KHDRBS2: variants seen among roughly 807,000 people sequenced by gnomAD.
KHDRBS2 encodes KH domain-containing, RNA-binding, signal transduction-associated protein 2.
A neutral mutation model predicts 44.3 loss-of-function variants in KHDRBS2; 26 were observed. The ratio of observed to expected loss-of-function variants is 0.59; its 90% CI spans 0.43 to 0.81. KHDRBS2 has a LOEUF of 0.81. KHDRBS2 is among the 40% of genes least tolerant of loss of function. The probability of loss-of-function intolerance (pLI) is 0.00; values close to 1 mark genes in which losing one functional copy is unlikely to be tolerated. For synonymous variants in KHDRBS2, 194 were observed against 151.1 expected (o/e 1.28, Z -2.08); for missense variants, 476 against 433.1 (o/e 1.10, Z -0.88).
chr6:62,240,606 A>G (rs577409488), intron 1 of KHDRBS2, among the ~76,000 whole-genome samples: 8 of 146,614 alleles, frequency 5.5e-5, no homozygotes, highest in Non-Finnish European at 7.5e-5. Context: ...ATACATACAT[A>G]TATCTACATA....
chr6:61,865,603 C>T lies in KHDRBS2; in HGVS notation c.810+29032G>A, dbSNP rs571965305. Among the ~76,000 whole-genome samples the T allele has an allele frequency of 3.1e-3, 470 of 152,188 alleles. 3 individuals are homozygous for T. The highest frequency in any genetic ancestry group is 4.1e-3 in the Non-Finnish European group (276 of 68,000). On this transcript the variant is annotated intron_variant, in intron 6 of 8. Coordinates refer to ENST00000281156, the MANE Select transcript of KHDRBS2 (RefSeq NM_152688.4). ...GATGGCATCTGGGTGGGGACACAGCCAAAACACATCAATCCACCCCTCGTC... is the reference window on the plus strand; with the variant it reads ...GATGGCATCTGGGTGGGGACACAGCTAAAACACATCAATCCACCCCTCGTC...
At chr6:61,720,756 T>G (rs1292200349) in intron 7 of KHDRBS2, among the ~76,000 whole-genome samples, 1 of 151,964 alleles carries the variant, frequency 6.6e-6, no homozygotes, top group African/African-American at 2.4e-5. Context: ...GTAGTTTCTT[T>G]TGCTGTGCAG....
intron 4 of KHDRBS2, among the ~76,000 whole-genome samples, chr6:61,967,322 T>C (rs1395183057): frequency 1.3e-5 from 2 of 151,882 alleles, no homozygotes; most frequent in Non-Finnish European, 1.5e-5. Flanking sequence ...TCTGTGAAAT[T>C]TGAGAGAAAA....
intron 1 of KHDRBS2, among the ~76,000 whole-genome samples, chr6:62,189,466 T>G (rs1824150660): frequency 6.6e-6 from 1 of 152,134 alleles, no homozygotes; most frequent in African/African-American, 2.4e-5. Context: ...TTTGCCATTT[T>G]AAGCGCTTAG....
the KHDRBS2 span, among the ~76,000 whole-genome samples, chr6:61,565,426 G>A: frequency 1.6e-4 from 25 of 151,890 alleles, no homozygotes; most frequent in Non-Finnish European, 3.2e-4. Context: ...ACTGACAAGG[G>A]ATAAAAACCA....
In KHDRBS2 at chr6:61,823,552, G is replaced by T. The variant is rs147598989; in HGVS notation, c.810+71083C>A. Among the ~76,000 whole-genome samples, 155 of 152,160 alleles carry T rather than the reference G, an allele frequency of 1.0e-3. 1 individual carries two copies. Among genetic ancestry groups the T allele is most frequent in the African/African-American group, 3.6e-3 (149 of 41,530 alleles). The stretch of plus-strand genomic sequence containing the variant: ...ATATTTCTTCCAGGATATTGTCTTA[G>T]TATGCGATATTTCTCTCAGAACATG... On this transcript the variant is annotated intron_variant, in intron 6 of 8. Coordinates refer to ENST00000281156, the MANE Select transcript of KHDRBS2 (RefSeq NM_152688.4).
At chr6:62,087,012 C>G (rs570358753) in intron 2 of KHDRBS2, among the ~76,000 whole-genome samples, 2 of 150,510 alleles carry the variant, frequency 1.3e-5, no homozygotes, top group East Asian at 1.9e-4. Flanking sequence ...AAGCAATCCA[C>G]TATATTGTTT....
chr6:61,981,911 T>G (rs1476230250), intron 3 of KHDRBS2, among the ~76,000 whole-genome samples: 1 of 152,206 alleles, frequency 6.6e-6, no homozygotes, highest in Non-Finnish European at 1.5e-5. Flanking sequence ...GTCAATAACC[T>G]TGATCTCCCT....
In KHDRBS2 at chr6:61,680,951, T is replaced by C; in HGVS notation, c.*12A>G. On this transcript the variant is annotated 3_prime_UTR_variant, in exon 9 of 9. Transcript: ENST00000281156. Reference sequence around the variant, plus strand: ...ATTGTCTTTGAGGTGAGGTCACAGGTGGGAAGGACCTTCAATATCTACCAT... The same window carrying C: ...ATTGTCTTTGAGGTGAGGTCACAGGCGGGAAGGACCTTCAATATCTACCAT... The C allele has an allele frequency of 6.4e-7, 1 of 1,566,978 alleles. No homozygotes were observed. Among genetic ancestry groups the C allele is most frequent in the East Asian group, 2.3e-5 (1 of 44,398 alleles).
At chr6:61,797,625 T>C (rs1785553940) in intron 6 of KHDRBS2, among the ~76,000 whole-genome samples, 2 of 152,008 alleles carry the variant, frequency 1.3e-5, no homozygotes, top group Admixed American at 1.3e-4. Flanking sequence ...TTCCACTGGT[T>C]ATACCCCACA....
intron 6 of KHDRBS2, among the ~76,000 whole-genome samples, chr6:61,800,881 T>C (rs1306355875): frequency 1.3e-5 from 2 of 152,158 alleles, no homozygotes; most frequent in Admixed American, 1.3e-4. Context: ...ACTAAGGCCC[T>C]CCTTCCTAAT....
At chr6:61,670,988 TC>T in the KHDRBS2 span, among the ~76,000 whole-genome samples, 2 of 151,570 alleles carry the variant, frequency 1.3e-5, no homozygotes, top group African/African-American at 2.4e-5. Context: ...TCTTCTCATT[TC>T]CCCATATGGT....
At chr6:61,909,478 G>A (rs1402450337) in intron 4 of KHDRBS2, among the ~76,000 whole-genome samples, 1 of 152,134 alleles carries the variant, frequency 6.6e-6, no homozygotes, top group East Asian at 1.9e-4. Flanking sequence ...GTTATTTGAA[G>A]TAATAGCAAA....
Position 62,185,242 on chromosome 6 carries a change from G to C in KHDRBS2, c.92-7930C>G, listed in dbSNP as rs569135000. On this transcript the variant is annotated intron_variant, in intron 1 of 8. Transcript: ENST00000281156. ...CCCATCGTTATAGCCTCGGTTATTA[G>C]GCCAAAGCAGAATAGGAAATTATAC... 2.0e-5 allele frequency among the ~76,000 whole-genome samples: 3 copies of C among 151,930 alleles called. No individual in the cohort carries two copies. The South Asian group carries it at 6.2e-4, about 32-fold the overall frequency.
At chr6:62,261,724 G>T (rs186584256) in intron 1 of KHDRBS2, among the ~76,000 whole-genome samples, 58 of 151,788 alleles carry the variant, frequency 3.8e-4, no homozygotes, top group African/African-American at 1.4e-3. Context: ...AGAGGCATTT[G>T]GCTGATCATA....
At chr6:61,642,660 CAAAAAA>C in the KHDRBS2 span, among the ~76,000 whole-genome samples, 1 of 134,792 alleles carries the variant, frequency 7.4e-6, no homozygotes. Context: ...GACTCCACAT[CAAAAAA>C]AAAAAAAAGA....
At chr6:61,587,926 C>T in the KHDRBS2 span, among the ~76,000 whole-genome samples, 37 of 152,206 alleles carry the variant, frequency 2.4e-4, no homozygotes, top group South Asian at 6.2e-3. Flanking sequence ...CCCATGTATG[C>T]ATTCAAATCT....
intron 6 of KHDRBS2, among the ~76,000 whole-genome samples, chr6:61,802,061 A>G (rs1299994641): frequency 6.6e-6 from 1 of 152,140 alleles, no homozygotes; most frequent in Non-Finnish European, 1.5e-5. Context: ...GAAAATAGGT[A>G]GACTGTAGGA....
chr6:62,067,057 A>G lies in KHDRBS2; in HGVS notation c.220-19063T>C, dbSNP rs576341979. On this transcript the variant is annotated intron_variant, in intron 2 of 8. Coordinates refer to ENST00000281156, the MANE Select transcript of KHDRBS2 (RefSeq NM_152688.4). ...TTAACTTAATATTTTAAGGAACAAC[A>G]GCAAACTGTTTAGTATCTCATTTAA... Among the ~76,000 whole-genome samples, 108 of 151,704 alleles carry G rather than the reference A, an allele frequency of 7.1e-4. 1 individual carries two copies. Among genetic ancestry groups the G allele is most frequent in the African/African-American group, 2.4e-3 (99 of 41,516 alleles).
Sources: gnomAD v4.1 joint callset for allele counts (sites outside exome capture counted in the v4.1 genomes callset) on GRCh38, gnomAD v4.1.1 for gene constraint, MANE v1.5 for transcripts, NCBI Gene and HGNC (gene_info 2026-07-23, HGNC 2026-07-21) for gene names.